Variants in SPATA16 observed in about 807,000 individuals in gnomAD.
SPATA16 encodes spermatogenesis-associated protein 16.
Under a neutral mutation model 63.3 loss-of-function variants are expected in SPATA16, and 36 were observed. The ratio of observed to expected loss-of-function variants is 0.57; its 90% CI spans 0.44 to 0.75. SPATA16 has a LOEUF of 0.75. Ranked by LOEUF, SPATA16 falls within the 30% of genes least tolerant of loss-of-function variation. The pLI is 0.00. For missense variants in SPATA16, 646 were observed against 679.3 expected, an observed-to-expected ratio of 0.95 and a Z score of 0.54; for synonymous variants, 203 against 216.7, an observed-to-expected ratio of 0.94 and a Z score of 0.56.
chr3:173,011,293 G>T (rs1735068958), intron 4 of SPATA16, among the ~76,000 whole-genome samples: 1 of 152,148 alleles, frequency 6.6e-6, no homozygotes, highest in African/African-American at 2.4e-5. Flanking sequence ...CACATAAACA[G>T]AATTAAACAC....
chr3:172,992,403 C>T (rs1214656902), intron 4 of SPATA16, among the ~76,000 whole-genome samples: 7 of 151,618 alleles, frequency 4.6e-5, no homozygotes, highest in Admixed American at 6.6e-5. Context: ...AGAAAGAAAC[C>T]ATACCAGTTC....
Position 172,889,586 on chromosome 3 carries a change from G to T in SPATA16, c.1694C>A (p.Thr565Asn), listed in dbSNP as rs1240093561. ...RQKTKMKRLQ[T>N]VQQR ...CCCTAATGACTACCTTTGCTGAACA[G>T]TTTGAAGTCGCTTCATTTTTGTTTT... The change falls in exon 11 of 11, where the codon ACT becomes AAT. Residue 565 changes from threonine to asparagine, a missense_variant. Coordinates refer to ENST00000351008, the MANE Select transcript of SPATA16 (RefSeq NM_031955.6). The T allele has an allele frequency of 6.2e-7, 1 of 1,613,754 alleles. No homozygotes were observed. Among genetic ancestry groups the T allele is most frequent in the South Asian group, 1.1e-5 (1 of 91,076 alleles).
At chr3:172,929,019 C>T (rs554583100) in intron 6 of SPATA16, among the ~76,000 whole-genome samples, 6 of 152,152 alleles carry the variant, frequency 3.9e-5, no homozygotes, top group Non-Finnish European at 7.4e-5. Flanking sequence ...TCATAAACCT[C>T]TACCTGTGTC....
chr3:172,952,550 A>G (rs1424091975), intron 6 of SPATA16, among the ~76,000 whole-genome samples: 1 of 152,140 alleles, frequency 6.6e-6, no homozygotes, highest in Admixed American at 6.5e-5. Flanking sequence ...CATATATCAC[A>G]TCTGTCCGTT....
chr3:173,082,901 T>C (rs1483159487), intron 2 of SPATA16, among the ~76,000 whole-genome samples: 1 of 152,164 alleles, frequency 6.6e-6, no homozygotes, highest in Non-Finnish European at 1.5e-5. Context: ...AGCTAGACTT[T>C]AAGCCCCATA....
At chr3:173,040,745 G>A (rs1244775471) in intron 3 of SPATA16, among the ~76,000 whole-genome samples, 1 of 152,202 alleles carries the variant, frequency 6.6e-6, no homozygotes, top group Non-Finnish European at 1.5e-5. Context: ...TTGCTGGGAT[G>A]TAGTTTATTT....
At chr3:173,039,262 A>C (rs1430592388) in intron 3 of SPATA16, among the ~76,000 whole-genome samples, 1 of 152,176 alleles carries the variant, frequency 6.6e-6, no homozygotes, top group African/African-American at 2.4e-5. Flanking sequence ...TAGAACTGAT[A>C]TATTAGAAAG....
intron 3 of SPATA16, among the ~76,000 whole-genome samples, chr3:173,035,501 C>A (rs1735697436): frequency 6.6e-6 from 1 of 151,854 alleles, no homozygotes. Flanking sequence ...TTGGCTAAAG[C>A]AATAAATTGA....
intron 3 of SPATA16, among the ~76,000 whole-genome samples, chr3:173,047,925 G>C (rs1735994911): frequency 6.6e-6 from 1 of 152,036 alleles, no homozygotes; most frequent in African/African-American, 2.4e-5. Context: ...GGTTCTTGAG[G>C]TCAAGTTTAA....
intron 6 of SPATA16, among the ~76,000 whole-genome samples, chr3:172,926,556 C>T (rs1407557507): frequency 1.3e-5 from 2 of 152,188 alleles, no homozygotes; most frequent in African/African-American, 4.8e-5. Flanking sequence ...GCAGGCAAAG[C>T]CAGATTCACA....
intron 6 of SPATA16, among the ~76,000 whole-genome samples, chr3:172,951,919 G>T (rs961730343): frequency 1.3e-5 from 2 of 152,192 alleles, no homozygotes; most frequent in Non-Finnish European, 1.5e-5. Context: ...TCAAGGTACA[G>T]ATTGTACGAC....
At chr3:173,081,364 G>A (rs560193204) in intron 2 of SPATA16, among the ~76,000 whole-genome samples, 1 of 152,278 alleles carries the variant, frequency 6.6e-6, no homozygotes, top group South Asian at 2.1e-4. Context: ...GATGGTGTGG[G>A]GAATGCTACT....
intron 4 of SPATA16, among the ~76,000 whole-genome samples, chr3:173,015,264 A>G (rs1376497129): frequency 6.6e-6 from 1 of 151,954 alleles, no homozygotes; most frequent in African/African-American, 2.4e-5. Flanking sequence ...GGGTTGCACC[A>G]TGTTGGCCAG....
intron 2 of SPATA16, among the ~76,000 whole-genome samples, chr3:173,108,171 G>A (rs1737663372): frequency 6.6e-6 from 1 of 152,066 alleles, no homozygotes; most frequent in South Asian, 2.1e-4. Context: ...GTTTTCACTT[G>A]TGGGATGAAT....
chr3:173,047,388 G>A (rs956833722), intron 3 of SPATA16, among the ~76,000 whole-genome samples: 1 of 151,888 alleles, frequency 6.6e-6, no homozygotes, highest in African/African-American at 2.4e-5. Flanking sequence ...AGGCCATGTA[G>A]GCGGCCCTTT....
chr3:173,139,231 A>T (rs1738634029), intron 1 of SPATA16, among the ~76,000 whole-genome samples: 1 of 152,206 alleles, frequency 6.6e-6, no homozygotes, highest in African/African-American at 2.4e-5. Flanking sequence ...CAATTTTTTT[A>T]AAAATTAGAC....
At chr3:173,065,561 A>C (rs145680390) in intron 2 of SPATA16, among the ~76,000 whole-genome samples, 1 of 152,246 alleles carries the variant, frequency 6.6e-6, no homozygotes, top group African/African-American at 2.4e-5. Flanking sequence ...GTGAGCAACC[A>C]CAAACACCTG....
rs533957973 is a variant in SPATA16, at chr3:173,028,397, T to A, written c.759-8822A>T. On this transcript the variant is annotated intron_variant, in intron 3 of 10. Transcript: ENST00000351008. ...TGATTAATGCTATGTAAGTATGATC[T>A]GTGTTATTATGAAATAAGGAATCTA... Among the ~76,000 whole-genome samples, 7 of 152,042 alleles carry A rather than the reference T, an allele frequency of 4.6e-5. No individual in the cohort carries two copies. The South Asian group carries it at 1.5e-3, about 32-fold the overall frequency.
At chr3:173,017,301 G>T (rs1735213923) in intron 4 of SPATA16, among the ~76,000 whole-genome samples, 1 of 152,182 alleles carries the variant, frequency 6.6e-6, no homozygotes, top group Non-Finnish European at 1.5e-5. Flanking sequence ...GTCATCAAAT[G>T]ATATTAAGCA....
Sources: gnomAD v4.1 joint callset for allele counts (sites outside exome capture counted in the v4.1 genomes callset) on GRCh38, gnomAD v4.1.1 for gene constraint, MANE v1.5 for transcripts, NCBI Gene and HGNC (gene_info 2026-07-23, HGNC 2026-07-21) for gene names.